Variants in C9orf85 observed in about 807,000 individuals in gnomAD.
The protein encoded by C9orf85 is chromosome 9 open reading frame 85.
In C9orf85, 16 loss-of-function variants were observed where a neutral mutation model predicts 14.9. The ratio of observed to expected loss-of-function variants is 1.08; its 90% CI spans 0.73 to 1.63. C9orf85 has a LOEUF of 1.63. Among genes scored for constraint, C9orf85 ranks in the 40% most tolerant of loss-of-function variants. C9orf85 has a pLI of 0.00. For synonymous variants in C9orf85, 45 were observed against 56.8 expected, an observed-to-expected ratio of 0.79 and a Z score of 0.93; for missense variants, 172 against 186.1, an observed-to-expected ratio of 0.92 and a Z score of 0.44.
chr9:71,912,972 A>G (rs1455421272), intron 1 of C9orf85, among the ~76,000 whole-genome samples: 1 of 152,136 alleles, frequency 6.6e-6, no homozygotes, highest in African/African-American at 2.4e-5. Flanking sequence ...CATTGACAAC[A>G]GGGGCATATT....
chr9:71,960,260 G>A (rs1402946188), intron 2 of C9orf85, among the ~76,000 whole-genome samples: 1 of 152,214 alleles, frequency 6.6e-6, no homozygotes, highest in Non-Finnish European at 1.5e-5. Flanking sequence ...GACTTTCATA[G>A]ACAATACAGA....
chr9:71,971,960 A>G (rs1271763708), intron 3 of C9orf85, among the ~76,000 whole-genome samples: 1 of 140,572 alleles, frequency 7.1e-6, no homozygotes, highest in Non-Finnish European at 1.5e-5. Context: ...GGTAACATAT[A>G]GTGGGACTCC....
chr9:71,947,134 C>G, intron 2 of C9orf85, 22 bp downstream of exon 2: 5 of 1,464,866 alleles, frequency 3.4e-6, no homozygotes, highest in Non-Finnish European at 4.8e-6. Context: ...TTCTTCATTA[C>G]CTTACTTGGT....
At chr9:71,976,487 C>T (rs1012526762), downstream of C9orf85, among the ~76,000 whole-genome samples, 1 of 151,930 alleles carries the variant, frequency 6.6e-6, no homozygotes, top group African/African-American at 2.4e-5. Context: ...GTGGTGAAAC[C>T]CCGTCTCTAC....
At chr9:71,950,075 T>C (rs1200729730) in intron 2 of C9orf85, among the ~76,000 whole-genome samples, 1 of 152,162 alleles carries the variant, frequency 6.6e-6, no homozygotes, top group Non-Finnish European at 1.5e-5. Flanking sequence ...GCCTAGAACA[T>C]CATGTATTTC....
Position 71,957,975 on chromosome 9 carries a change from A to G in C9orf85, c.209+10863A>G, listed in dbSNP as rs567174232. On this transcript the variant is annotated intron_variant, in intron 2 of 3. Coordinates refer to ENST00000334731, the MANE Select transcript of C9orf85 (RefSeq NM_182505.5). Reference sequence around the variant, plus strand: ...ATTTTGGAAGTGCAGTCTTTGTACTATTTAAGGTCTGAATGATGTATCCTT... The same window carrying G: ...ATTTTGGAAGTGCAGTCTTTGTACTGTTTAAGGTCTGAATGATGTATCCTT... 2.6e-4 allele frequency among the ~76,000 whole-genome samples: 39 copies of G among 152,180 alleles called. No individual in the cohort carries two copies. The South Asian group carries it at 8.1e-3, about 32-fold the overall frequency.
chr9:71,931,475 T>C (rs1828068897), intron 1 of C9orf85, among the ~76,000 whole-genome samples: 2 of 152,166 alleles, frequency 1.3e-5, no homozygotes, highest in South Asian at 2.1e-4. Context: ...AAAGAATCAG[T>C]GCTCTCAATG....
At chr9:71,966,890 G>A (rs1373937021) in intron 2 of C9orf85, among the ~76,000 whole-genome samples, 1 of 152,210 alleles carries the variant, frequency 6.6e-6, no homozygotes, top group Non-Finnish European at 1.5e-5. Flanking sequence ...AGACAAGGGC[G>A]GGATTCAGAG....
At chr9:71,930,831 A>G (rs141588540) in intron 1 of C9orf85, among the ~76,000 whole-genome samples, 214 of 148,714 alleles carry the variant, frequency 1.4e-3, no homozygotes, top group Non-Finnish European at 2.3e-3. Context: ...AAAAAAAGAC[A>G]CAAACAAAGG....
At chr9:71,931,886 G>A (rs1314293657) in intron 1 of C9orf85, among the ~76,000 whole-genome samples, 2 of 152,100 alleles carry the variant, frequency 1.3e-5, no homozygotes, top group African/African-American at 4.8e-5. Context: ...GGTGAGATAG[G>A]GAACACATTT....
chr9:71,952,155 T>C (rs991274098), intron 2 of C9orf85, among the ~76,000 whole-genome samples: 9 of 152,196 alleles, frequency 5.9e-5, no homozygotes, highest in Non-Finnish European at 1.0e-4. Flanking sequence ...TGCAAATTGA[T>C]TGGATTCCAA....
intron 1 of C9orf85, among the ~76,000 whole-genome samples, chr9:71,927,667 A>G (rs1421231886): frequency 6.6e-6 from 1 of 152,206 alleles, no homozygotes; most frequent in East Asian, 1.9e-4. Context: ...AGTGTACAAG[A>G]AGCAATAGTA....
chr9:71,937,355 G>C (rs916529246), intron 1 of C9orf85, among the ~76,000 whole-genome samples: 2 of 152,152 alleles, frequency 1.3e-5, no homozygotes, highest in African/African-American at 4.8e-5. Flanking sequence ...TCAGTGGTTA[G>C]TTTGTACACA....
chr9:71,958,339 C>T (rs1056944217), intron 2 of C9orf85, among the ~76,000 whole-genome samples: 9 of 150,552 alleles, frequency 6.0e-5, no homozygotes, highest in Admixed American at 1.3e-4. Context: ...CTCTGCTCAC[C>T]GCAACCTCTG....
chr9:71,943,385 A>G (rs535524519), intron 1 of C9orf85, among the ~76,000 whole-genome samples: 9 of 152,270 alleles, frequency 5.9e-5, no homozygotes, highest in African/African-American at 2.2e-4. Flanking sequence ...ATGGTATTCA[A>G]ATTTCTTTTC....
At chr9:71,965,625 GTC>G (rs1822669753) in intron 2 of C9orf85, among the ~76,000 whole-genome samples, 1 of 152,116 alleles carries the variant, frequency 6.6e-6, no homozygotes, top group Non-Finnish European at 1.5e-5. Context: ...TATAGATGGG[GTC>G]TCTCTATGTT....
rs186646656 is a variant in C9orf85, at chr9:71,937,227, G to C, written c.103-9779G>C. On this transcript the variant is annotated intron_variant, in intron 1 of 3. Transcript: ENST00000334731. ...GTTGCTTAAATAGGTTTTCTCAACTGCCAGAAAAAGGTACTGCCACAGCAT... is the reference window on the plus strand; with the variant it reads ...GTTGCTTAAATAGGTTTTCTCAACTCCCAGAAAAAGGTACTGCCACAGCAT... 4.0e-4 allele frequency among the ~76,000 whole-genome samples: 61 copies of C among 152,252 alleles called. 1 individual carries two copies. In the East Asian group the frequency reaches 8.5e-3, roughly 21 times the overall value.
At chr9:71,938,341 G>A (rs1456636823) in intron 1 of C9orf85, among the ~76,000 whole-genome samples, 1 of 151,962 alleles carries the variant, frequency 6.6e-6, no homozygotes, top group East Asian at 1.9e-4. Context: ...TTTTACGGAC[G>A]GTAGTAGGAA....
chr9:71,945,591 C>A (rs1822065056), intron 1 of C9orf85, among the ~76,000 whole-genome samples: 1 of 152,146 alleles, frequency 6.6e-6, no homozygotes, highest in South Asian at 2.1e-4. Flanking sequence ...TATGGTTTTT[C>A]ACAATATTTC....
Sources: gnomAD v4.1 joint callset for allele counts (sites outside exome capture counted in the v4.1 genomes callset) on GRCh38, gnomAD v4.1.1 for gene constraint, MANE v1.5 for transcripts, NCBI Gene and HGNC (gene_info 2026-07-23, HGNC 2026-07-21) for gene names.